SLC20A2: variants seen among roughly 807,000 people sequenced by gnomAD.
SLC20A2 encodes solute carrier family 20 member 2.
SLC20A2 carries 30 observed loss-of-function variants against 61.0 expected under a neutral mutation model. The observed-to-expected ratio is 0.49, with a 90% CI of 0.37 to 0.67. The LOEUF (loss-of-function observed/expected upper bound fraction) is 0.67, where lower values mean the gene tolerates loss of function less well. Among genes scored for constraint, SLC20A2 ranks in the 30% least tolerant of loss-of-function variants. SLC20A2 has a pLI of 0.00. For synonymous variants in SLC20A2, 351 were observed against 353.3 expected (o/e 0.99, Z 0.07); for missense variants, 626 against 866.4 (o/e 0.72, Z 3.48).
intron 1 of SLC20A2, chr8:42,538,059 A>T (rs984702931): frequency 1.3e-5 from 2 of 152,132 alleles, no homozygotes; most frequent in Non-Finnish European, 2.9e-5. Context: ...AGCACGACAT[A>T]AGTATTAACT....
chr8:42,425,726 A>C (rs1788476085), intron 10 of SLC20A2, among the ~76,000 whole-genome samples: 1 of 152,114 alleles, frequency 6.6e-6, no homozygotes, highest in African/African-American at 2.4e-5. Context: ...AGCTATCCTA[A>C]TACTACTCAT....
intron 3 of SLC20A2, chr8:42,463,305 A>G: frequency 2.3e-6 from 1 of 429,498 alleles, no homozygotes; most frequent in East Asian, 4.1e-5. Flanking sequence ...ACACAGTCAC[A>G]CACCACTGAC....
At chr8:42,457,439 C>T (rs973461414) in intron 5 of SLC20A2, among the ~76,000 whole-genome samples, 46 of 152,172 alleles carry the variant, frequency 3.0e-4, no homozygotes, top group Middle Eastern at 3.4e-3. Flanking sequence ...TTCCTTCATC[C>T]GCAAATCACC....
chr8:42,455,257 T>TATATATAGAGAGAG (rs1357416749), intron 5 of SLC20A2, among the ~76,000 whole-genome samples: 8 of 81,620 alleles, frequency 9.8e-5, no homozygotes, highest in African/African-American at 3.1e-4. Flanking sequence ...TATATATATA[T>TATATATAGAGAGAG]AGAGAGAGAG....
At chr8:42,491,793 T>C (rs1219962442) in intron 1 of SLC20A2, among the ~76,000 whole-genome samples, 1 of 152,216 alleles carries the variant, frequency 6.6e-6, no homozygotes, top group African/African-American at 2.4e-5. Context: ...GACATTTTCT[T>C]TCTTCTTTTA....
At chr8:42,425,799 T>C (rs1803367298) in intron 10 of SLC20A2, among the ~76,000 whole-genome samples, 1 of 151,980 alleles carries the variant, frequency 6.6e-6, no homozygotes, top group Non-Finnish European at 1.5e-5. Flanking sequence ...TCCCAGCACT[T>C]TGGGAGGCTG....
chr8:42,541,653 A>G (rs1015553793), intron 1 of SLC20A2: 2 of 149,570 alleles, frequency 1.3e-5, no homozygotes, highest in African/African-American at 4.9e-5. Context: ...TCCGGGGTAA[A>G]GAGCCCCGGA....
intron 5 of SLC20A2, among the ~76,000 whole-genome samples, chr8:42,452,320 G>C (rs190234312): frequency 1.6e-4 from 23 of 142,538 alleles, no homozygotes; most frequent in Admixed American, 1.2e-3. Context: ...AGAGATGGAG[G>C]AGAAGAAAGA....
intron 8 of SLC20A2, among the ~76,000 whole-genome samples, chr8:42,434,485 T>TCC (rs1804093542): frequency 6.6e-6 from 1 of 152,110 alleles, no homozygotes; most frequent in East Asian, 1.9e-4. Context: ...TCTTGTCTCC[T>TCC]CCCCCAGCCA....
chr8:42,508,820 C>A (rs1304576582), intron 1 of SLC20A2, among the ~76,000 whole-genome samples: 1 of 152,162 alleles, frequency 6.6e-6, no homozygotes, highest in Non-Finnish European at 1.5e-5. Flanking sequence ...GTCTAGGGGA[C>A]AGCTTGATTG....
intron 6 of SLC20A2, among the ~76,000 whole-genome samples, chr8:42,440,844 A>G (rs1271161274): frequency 2.0e-5 from 3 of 152,246 alleles, no homozygotes; most frequent in Admixed American, 1.3e-4. Context: ...TCTGTCACTC[A>G]GGCTGGAGTG....
At chr8:42,419,196 A>G (rs1802879737) in intron 10 of SLC20A2, among the ~76,000 whole-genome samples, 1 of 152,082 alleles carries the variant, frequency 6.6e-6, no homozygotes, top group South Asian at 2.1e-4. Flanking sequence ...TGATTAAAAT[A>G]TCCTGCATCT....
At chr8:42,455,669 A>C (rs972460477) in intron 5 of SLC20A2, among the ~76,000 whole-genome samples, 2 of 152,170 alleles carry the variant, frequency 1.3e-5, no homozygotes, top group African/African-American at 4.8e-5. Flanking sequence ...AAAATTTGTT[A>C]AGGTTGATGC....
At chr8:42,541,361 G>C (rs1228427693) in intron 1 of SLC20A2, 2 of 146,844 alleles carry the variant, frequency 1.4e-5, no homozygotes, top group Non-Finnish European at 3.0e-5. Context: ...GCGGGAGCCC[G>C]GGAGTCGGGC....
At chr8:42,470,139 A>C (rs1807511017) in intron 2 of SLC20A2, among the ~76,000 whole-genome samples, 1 of 152,094 alleles carries the variant, frequency 6.6e-6, no homozygotes, top group Non-Finnish European at 1.5e-5. Context: ...CTATGCTGAG[A>C]TATACATATG....
At chr8:42,460,928 G>A (rs1159528946) in intron 4 of SLC20A2, among the ~76,000 whole-genome samples, 3 of 152,172 alleles carry the variant, frequency 2.0e-5, no homozygotes, top group Non-Finnish European at 4.4e-5. Flanking sequence ...GGAAAATTAG[G>A]TCTAAAAATC....
chr8:42,496,451 G>T (rs1809934054), intron 1 of SLC20A2, among the ~76,000 whole-genome samples: 1 of 152,234 alleles, frequency 6.6e-6, no homozygotes, highest in East Asian at 1.9e-4. Flanking sequence ...GTGGAAGAGA[G>T]AGCAGAGAGA....
intron 1 of SLC20A2, among the ~76,000 whole-genome samples, chr8:42,512,351 A>C (rs923911234): frequency 1.3e-5 from 2 of 151,454 alleles, no homozygotes; most frequent in African/African-American, 4.8e-5. Context: ...AAACTTGAAA[A>C]ACTCTTTTTT....
chr8:42,505,770 A>G (rs1489619676), upstream of SLC20A2, among the ~76,000 whole-genome samples: 1 of 151,940 alleles, frequency 6.6e-6, no homozygotes, highest in Non-Finnish European at 1.5e-5. Flanking sequence ...ACATACCTGT[A>G]GTCCCAGCTA....
Sources: gnomAD v4.1 joint callset for allele counts (sites outside exome capture counted in the v4.1 genomes callset) on GRCh38, gnomAD v4.1.1 for gene constraint, MANE v1.5 for transcripts, NCBI Gene and HGNC (gene_info 2026-07-23, HGNC 2026-07-21) for gene names.